CTNNA3: variants seen among roughly 807,000 people sequenced by gnomAD.
CTNNA3 encodes catenin alpha-3.
A neutral mutation model predicts 95.7 loss-of-function variants in CTNNA3; 76 were observed. That is an observed-to-expected ratio of 0.79 (90% CI 0.66 to 0.96). The LOEUF is 0.96. CTNNA3 is among the 40% of genes least tolerant of loss of function. The probability of loss-of-function intolerance (pLI) is 0.00; values close to 1 mark genes in which losing one functional copy is unlikely to be tolerated. For synonymous variants in CTNNA3, 431 were observed against 374.4 expected, an observed-to-expected ratio of 1.15 and a Z score of -1.74; for missense variants, 1,191 against 1,089.8, an observed-to-expected ratio of 1.09 and a Z score of -1.31.
In CTNNA3 at chr10:67,028,815, A is replaced by G. The variant is rs73326989; in HGVS notation, c.1047+151502T>C. On this transcript the variant is annotated intron_variant, in intron 7 of 17. Coordinates refer to ENST00000433211, the MANE Select transcript of CTNNA3 (RefSeq NM_013266.4). ...TTTCCTCCCAAGCATTCTACAAGTA[A>G]TTACATTAGGAAGATAGGAAATCCC... Among the ~76,000 whole-genome samples, 979 of 152,264 alleles carry G rather than the reference A, an allele frequency of 6.4e-3. 13 individuals carry two copies. The highest frequency in any genetic ancestry group is 0.022 in the African/African-American group (922 of 41,566).
At chr10:66,694,014 C>G (rs1238178859) in intron 9 of CTNNA3, among the ~76,000 whole-genome samples, 6 of 151,732 alleles carry the variant, frequency 4.0e-5, no homozygotes, top group East Asian at 1.9e-4. Flanking sequence ...AAGCAGGAAA[C>G]ATCCAAAATT....
chr10:67,303,204 CG>C (rs1840399250), intron 5 of CTNNA3, among the ~76,000 whole-genome samples: 1 of 152,184 alleles, frequency 6.6e-6, no homozygotes, highest in Non-Finnish European at 1.5e-5. Flanking sequence ...AGAACAGATC[CG>C]TATTTGAAAC....
intron 17 of CTNNA3, among the ~76,000 whole-genome samples, chr10:65,932,046 T>C (rs1458715737): frequency 1.3e-5 from 2 of 152,078 alleles, no homozygotes; most frequent in East Asian, 1.9e-4. Flanking sequence ...GATGACCATG[T>C]AGGTGAGAGG....
intron 5 of CTNNA3, among the ~76,000 whole-genome samples, chr10:67,297,980 A>C (rs1840114675): frequency 6.6e-6 from 1 of 152,248 alleles, no homozygotes; most frequent in South Asian, 2.1e-4. Context: ...CATTTCTAGT[A>C]CATTGAGCCT....
chr10:66,524,668 G>T (rs1841187557), intron 10 of CTNNA3, among the ~76,000 whole-genome samples: 1 of 152,128 alleles, frequency 6.6e-6, no homozygotes, highest in Non-Finnish European at 1.5e-5. Context: ...ACCAGAGGGG[G>T]CCAATGGAAC....
chr10:66,385,637 A>G (rs888737477), intron 11 of CTNNA3, among the ~76,000 whole-genome samples: 1 of 152,160 alleles, frequency 6.6e-6, no homozygotes, highest in Non-Finnish European at 1.5e-5. Flanking sequence ...AGACACAACA[A>G]AAAAAGAGAA....
At chr10:66,944,472 T>C (rs1003706368) in intron 7 of CTNNA3, among the ~76,000 whole-genome samples, 7 of 152,188 alleles carry the variant, frequency 4.6e-5, no homozygotes, top group Non-Finnish European at 4.4e-5. Flanking sequence ...TCCATGAGGG[T>C]TGGAATCAAC....
intron 5 of CTNNA3, among the ~76,000 whole-genome samples, chr10:67,363,037 C>T (rs1161445599): frequency 1.3e-5 from 2 of 151,952 alleles, no homozygotes; most frequent in East Asian, 3.9e-4. Context: ...AAATAAAAGA[C>T]CTAAGAATTC....
intron 6 of CTNNA3, among the ~76,000 whole-genome samples, chr10:67,189,665 G>A (rs1246017574): frequency 3.9e-4 from 58 of 150,462 alleles, no homozygotes. Flanking sequence ...CAGATTTTAT[G>A]TTATCAAGTC....
rs12415126 is a variant in CTNNA3, at chr10:67,589,226, G to C, written c.292+17631C>G. Among the ~76,000 whole-genome samples, 4,402 of 152,064 alleles carry C rather than the reference G, an allele frequency of 0.029. 446 individuals carry two copies. In the East Asian group the frequency reaches 0.37, roughly 13 times the overall value. ...GCTATTTGATTGCTTTTTCCTATGTGCCTCCACAGCCTTTGTTCATACCAT... is the reference window on the plus strand; with the variant it reads ...GCTATTTGATTGCTTTTTCCTATGTCCCTCCACAGCCTTTGTTCATACCAT... On this transcript the variant is annotated intron_variant, in intron 3 of 17. Coordinates refer to ENST00000433211, the MANE Select transcript of CTNNA3 (RefSeq NM_013266.4).
chr10:66,957,624 A>G (rs191311188), intron 7 of CTNNA3, among the ~76,000 whole-genome samples: 110 of 151,670 alleles, frequency 7.3e-4, no homozygotes, highest in Admixed American at 1.3e-3. Context: ...CAGATGATAC[A>G]CTCAAAAGGA....
intron 11 of CTNNA3, among the ~76,000 whole-genome samples, chr10:66,381,472 A>G (rs910923421): frequency 6.6e-6 from 1 of 152,198 alleles, no homozygotes; most frequent in Non-Finnish European, 1.5e-5. Context: ...TATCTGAGGG[A>G]AAGAATTTTA....
chr10:66,095,143 T>A (rs968211400), intron 14 of CTNNA3, among the ~76,000 whole-genome samples: 1 of 152,150 alleles, frequency 6.6e-6, no homozygotes, highest in East Asian at 1.9e-4. Flanking sequence ...TAGAATCACA[T>A]GCCTACATAT....
At chr10:67,427,318 A>G (rs185912907) in intron 5 of CTNNA3, among the ~76,000 whole-genome samples, 53 of 152,154 alleles carry the variant, frequency 3.5e-4, no homozygotes, top group Middle Eastern at 6.8e-3. Context: ...CAAAGCCCCA[A>G]ATAAGTTCCT....
chr10:66,428,823 C>G (rs1447831575), intron 11 of CTNNA3, among the ~76,000 whole-genome samples: 1 of 151,714 alleles, frequency 6.6e-6, no homozygotes, highest in South Asian at 2.1e-4. Context: ...AATTGACACC[C>G]TAACATCACA....
chr10:67,506,499 T>G (rs1461113694), intron 5 of CTNNA3, among the ~76,000 whole-genome samples: 1 of 152,178 alleles, frequency 6.6e-6, no homozygotes, highest in African/African-American at 2.4e-5. Flanking sequence ...AGCCCTCAGG[T>G]AATCAGCCCC....
chr10:66,960,814 G>C (rs1007179222), intron 7 of CTNNA3, among the ~76,000 whole-genome samples: 2 of 152,096 alleles, frequency 1.3e-5, no homozygotes, highest in South Asian at 2.1e-4. Context: ...CTTAGAAAAG[G>C]GGGGATGGTA....
chr10:66,607,321 A>T (rs185850151), intron 10 of CTNNA3, among the ~76,000 whole-genome samples: 2 of 152,056 alleles, frequency 1.3e-5, no homozygotes, highest in African/African-American at 4.8e-5. Context: ...GCAGGATCAG[A>T]TGGATTAACG....
intron 10 of CTNNA3, among the ~76,000 whole-genome samples, chr10:66,567,411 G>A (rs2132153619): frequency 6.6e-6 from 1 of 152,152 alleles, no homozygotes; most frequent in South Asian, 2.1e-4. Flanking sequence ...TTGAGCCCAG[G>A]AGTTTAAGAC....
Sources: allele counts gnomAD v4.1 joint callset (sites outside exome capture counted in the v4.1 genomes callset), GRCh38; gene constraint gnomAD v4.1.1; transcripts MANE v1.5; gene names NCBI Gene and HGNC (gene_info 2026-07-23, HGNC 2026-07-21).